The following BBS2 variants were observed in gnomAD, a reference collection of about 807,000 sequenced individuals.
The protein encoded by BBS2 is Bardet-Biedl syndrome 2.
A neutral mutation model predicts 83.0 loss-of-function variants in BBS2; 62 were observed. The ratio of observed to expected loss-of-function variants is 0.75; its 90% CI spans 0.61 to 0.92. BBS2 has a LOEUF of 0.92. Among genes scored for constraint, BBS2 ranks in the 40% least tolerant of loss-of-function variants. BBS2 has a pLI of 0.00. For missense variants in BBS2, 784 were observed against 901.0 expected (o/e 0.87, Z 1.66); for synonymous variants, 303 against 326.1 (o/e 0.93, Z 0.76).
intron 15 of BBS2, among the ~76,000 whole-genome samples, chr16:56,495,280 A>G (rs1424156550): frequency 6.6e-6 from 1 of 152,212 alleles, no homozygotes. Context: ...GAAATAATGA[A>G]TCTAGGCAAT....
chr16:56,511,370 G>C (rs1156531087), intron 2 of BBS2, 86 bp from the exon 3 acceptor site: 3 of 1,571,098 alleles, frequency 1.9e-6, no homozygotes, highest in Middle Eastern at 1.7e-4. Flanking sequence ...AGTAAACTGA[G>C]CAGATTTTGA....
rs1963720728 is a variant in BBS2, at chr16:56,484,460, A to G, written c.*301T>C. ...ACAAACTCAATTGCAATTTCAAGAA[A>G]AAAATATGTATTTATATACCATAAA... On this transcript the variant is annotated 3_prime_UTR_variant, in exon 17 of 17. Transcript: ENST00000245157. 1 of 218,266 alleles carries G rather than the reference A, an allele frequency of 4.6e-6. No homozygotes were observed. The highest frequency in any genetic ancestry group is 9.3e-6 in the Non-Finnish European group (1 of 108,034). 13.5% of individuals were successfully genotyped at this position (218,266 alleles called of 1,614,324 possible).
rs543548052 is a variant in BBS2, at chr16:56,486,184, A to T, written c.1911-446T>A. 1.1e-4 allele frequency among the ~76,000 whole-genome samples: 16 copies of T among 152,362 alleles called. No individual in the cohort carries two copies. The South Asian group carries it at 3.3e-3, about 32-fold the overall frequency. ...ATACTACACAACAATGAAAATAACT[A>T]AAGAAAAATATAGCTGAAGATACCA... is the stretch of plus-strand genomic sequence containing the variant. On this transcript the variant is annotated intron_variant, in intron 15 of 16. Transcript: ENST00000245157.
At chr16:56,497,248 A>C in intron 14 of BBS2, 169 bp from the exon 15 acceptor site, 1 of 661,148 alleles carries the variant, frequency 1.5e-6, no homozygotes, top group East Asian at 2.7e-5. Context: ...AAGTTAACTC[A>C]TCTGTGCTGC....
chr16:56,516,605 T>C (rs1465361294), intron 1 of BBS2, among the ~76,000 whole-genome samples: 1 of 152,006 alleles, frequency 6.6e-6, no homozygotes, highest in African/African-American at 2.4e-5. Flanking sequence ...GTCGGCCAGG[T>C]TGGTGTCGAA....
Position 56,514,646 on chromosome 16 carries a change from T to C in BBS2, c.152A>G (p.His51Arg), listed in dbSNP as rs1964682368. 1.2e-6 allele frequency: 2 copies of C among 1,614,148 alleles called. No individual in the cohort carries two copies. The highest frequency in any genetic ancestry group is 1.1e-5 in the South Asian group (1 of 91,082). The change falls in exon 2 of 17, where the codon CAT becomes CGT. Residue 51 changes from histidine (H) to arginine (R), a missense_variant. By Grantham distance (29) the His-to-Arg change is conservative (BLOSUM62 0). Transcript: ENST00000245157. ...FIHNPHTRNQHVSASRVFQSP... is the reference protein window; with the variant it reads ...FIHNPHTRNQRVSASRVFQSP... ...CTGGAAGACCCTGGATGCACTGACATGCTGGTTCCGTGTATGAGGATTATG... is the reference window on the plus strand; with the variant it reads ...CTGGAAGACCCTGGATGCACTGACACGCTGGTTCCGTGTATGAGGATTATG...
rs1475547525 is a variant in BBS2, at chr16:56,499,900, A to T, written c.1405T>A (p.Phe469Ile). The stretch of plus-strand genomic sequence containing the variant: ...TGTCTTGTCGATTCAAATACATGAA[A>T]CTGGGTGCTATGGCCAATCAATGAA... ...AFVGYRSSTQ[F>I]HVFESTRQLP... The change falls in exon 12 of 17, where the codon TTT becomes ATT. Residue 469 changes from phenylalanine to isoleucine, a missense_variant. Physicochemically the swap from Phe to Ile is conservative, Grantham distance 21. Transcript: ENST00000245157. The T allele has an allele frequency of 6.2e-7, 1 of 1,614,070 alleles. No homozygotes were observed. The highest frequency in any genetic ancestry group is 1.3e-5 in the African/African-American group (1 of 75,046).
chr16:56,498,300 A>G, intron 13 of BBS2, 137 bp downstream of exon 13: 1 of 1,154,158 alleles, frequency 8.7e-7, no homozygotes, highest in East Asian at 2.5e-5. Flanking sequence ...TGACCTTGAC[A>G]TTGATGTCCC....
chr16:56,519,818 G>T lies in BBS2; in HGVS notation c.45C>A (p.Ser15Arg), dbSNP rs1354385806. Residue 15 changes from serine to arginine, a missense_variant, in exon 1 of 17, where the codon AGC (serine) becomes AGA (arginine). Coordinates refer to ENST00000245157, the MANE Select transcript of BBS2 (RefSeq NM_031885.5). ...AGCGCCCTATGGCCACCATTCGGGG[G>T]CTGATTTTGTGGCGCAGTTTCAGGG... ...VFTLKLRHKI[S>R]PRMVAIGRYD... is the part of the protein sequence containing the mutation. The T allele has an allele frequency of 1.2e-6, 2 of 1,613,752 alleles. No individual in the cohort carries two copies. Among genetic ancestry groups the T allele is most frequent in the Middle Eastern group, 1.6e-4 (1 of 6,084 alleles).
chr16:56,516,546 G>A (rs953053351), intron 1 of BBS2, among the ~76,000 whole-genome samples: 1 of 152,050 alleles, frequency 6.6e-6, no homozygotes, highest in Non-Finnish European at 1.5e-5. Flanking sequence ...ACAGGGGTGC[G>A]CCACTACGCC....
At chr16:56,474,703 A>T in intron 17 of BBS2, 1 of 688,364 alleles carries the variant, frequency 1.5e-6, no homozygotes, top group Non-Finnish European at 2.4e-6. Context: ...ATAGCACTTC[A>T]ATCAAAGGTT....
intron 15 of BBS2, among the ~76,000 whole-genome samples, chr16:56,495,276 A>G (rs1964085524): frequency 6.6e-6 from 1 of 152,192 alleles, no homozygotes; most frequent in African/African-American, 2.4e-5. Flanking sequence ...AAAAGAAATA[A>G]TGAATCTAGG....
At chr16:56,516,603 G>C (rs1201671900) in intron 1 of BBS2, among the ~76,000 whole-genome samples, 1 of 152,080 alleles carries the variant, frequency 6.6e-6, no homozygotes, top group East Asian at 1.9e-4. Flanking sequence ...CAGTCGGCCA[G>C]GTTGGTGTCG....
chr16:56,494,532 G>A (rs1223916603), intron 15 of BBS2, among the ~76,000 whole-genome samples: 1 of 152,074 alleles, frequency 6.6e-6, no homozygotes, highest in Non-Finnish European at 1.5e-5. Flanking sequence ...TCCATATGAA[G>A]ACTGGGAAAT....
chr16:56,519,928 C>T lies in BBS2; in HGVS notation c.-66G>A. ...CAAGCGCAGCGGAGCTGGCCTCACG[C>T]GCCCGGGCAAGAAGTGCAGGGACAC... On this transcript the variant is annotated 5_prime_UTR_variant, in exon 1 of 17. Transcript: ENST00000245157. The T allele has an allele frequency of 7.1e-7, 1 of 1,415,216 alleles. No individual in the cohort carries two copies. The allele number at this position is 1,415,216 out of a possible 1,614,324, so 87.7% of individuals were successfully genotyped here. A position where few individuals can be genotyped will look rare whatever the true frequency, so the allele number is the denominator to read the frequency against.
chr16:56,510,745 C>A, intron 4 of BBS2, 114 bp downstream of exon 4: 1 of 1,107,888 alleles, frequency 9.0e-7, no homozygotes, highest in Non-Finnish European at 1.4e-6. Context: ...ATTTAGGCAA[C>A]AGAGCACCAA....
chr16:56,492,690 C>T (rs1424332900), intron 15 of BBS2, among the ~76,000 whole-genome samples: 1 of 152,142 alleles, frequency 6.6e-6, no homozygotes, highest in African/African-American at 2.4e-5. Flanking sequence ...AAAATTAAAA[C>T]TAAGAGACCA....
rs77438708 is a variant in BBS2 at position 56,519,999 on chromosome 16, G to C, written c.-137C>G. The stretch of plus-strand genomic sequence containing the variant: ...CCTCAGGCCGGACGCGAAACAGCCC[G>C]GGACGAACCCGTCCAGGTACCGCCT... On this transcript the variant is annotated 5_prime_UTR_variant, in exon 1 of 17. Transcript: ENST00000245157. 7,946 of 748,576 alleles carry C rather than the reference G, an allele frequency of 0.011. 455 individuals carry two copies. The African/African-American group carries it at 0.12, about 11-fold the overall frequency. 46.4% of individuals were successfully genotyped at this position (748,576 alleles called of 1,614,324 possible).
chr16:56,496,186 T>A (rs777253342), intron 15 of BBS2, among the ~76,000 whole-genome samples: 2 of 152,194 alleles, frequency 1.3e-5, no homozygotes, highest in Non-Finnish European at 2.9e-5. Context: ...GTTAACTATT[T>A]TACTGAATTT....
Sources: allele counts gnomAD v4.1 joint callset (sites outside exome capture counted in the v4.1 genomes callset), GRCh38; gene constraint gnomAD v4.1.1; transcripts MANE v1.5; gene names NCBI Gene and HGNC (gene_info 2026-07-23, HGNC 2026-07-21).